CR1L: variants seen among roughly 807,000 people sequenced by gnomAD.
CR1L encodes the protein complement component receptor 1-like protein.
In CR1L, 59 loss-of-function variants were observed where a neutral mutation model predicts 62.3. That is an observed-to-expected ratio of 0.95 (90% CI 0.77 to 1.18). The LOEUF is 1.18. Among genes scored for constraint, CR1L ranks in the 50% most tolerant of loss-of-function variants. The pLI is 0.00. For synonymous variants in CR1L, 279 were observed against 248.7 expected, an observed-to-expected ratio of 1.12 and a Z score of -1.15; for missense variants, 700 against 702.8, an observed-to-expected ratio of 1.00 and a Z score of 0.04.
rs1334024470 is a variant in CR1L, at chr1:207,717,685, G to C, written c.1636G>C (p.Gly546Arg). ...TGCCCCTCGCTGTGAACTTCCTGTT[G>C]GTGCTGGTCAGTATCCGCTTCCACA... ...SPAPRCELPV[G>R]AGSHDALIVG... is the part of the protein sequence containing the mutation. Residue 546 changes from glycine to arginine, a missense_variant, in exon 11 of 12, where the codon GGT becomes CGT. Coordinates refer to ENST00000508064, the MANE Select transcript of CR1L (RefSeq NM_175710.2). The C allele has an allele frequency of 5.0e-6, 8 of 1,613,814 alleles. No homozygotes were observed. Among genetic ancestry groups the C allele is most frequent in the Admixed American group, 3.3e-5 (2 of 59,994 alleles).
intron 11 of CR1L, among the ~76,000 whole-genome samples, chr1:207,719,956 T>C (rs1654093614): frequency 6.6e-6 from 1 of 152,204 alleles, no homozygotes; most frequent in Non-Finnish European, 1.5e-5. Flanking sequence ...CGGACCTAAA[T>C]ATATAATTCA....
At chr1:207,695,107 T>C (rs1312056268) in intron 5 of CR1L, among the ~76,000 whole-genome samples, 1 of 152,178 alleles carries the variant, frequency 6.6e-6, no homozygotes, top group Non-Finnish European at 1.5e-5. Context: ...ATTAGGTAGT[T>C]ACCAGTTTTT....
chr1:207,672,710 G>A (rs1663631503), intron 1 of CR1L, among the ~76,000 whole-genome samples: 1 of 152,032 alleles, frequency 6.6e-6, no homozygotes, highest in Admixed American at 6.6e-5. Context: ...TTTAACATAG[G>A]GTAGACTCTG....
Position 207,720,505 on chromosome 1 carries a change from A to T in CR1L, c.1642+2814A>T, listed in dbSNP as rs141174628. On this transcript the variant is annotated intron_variant, in intron 11 of 11. Transcript: ENST00000508064. The stretch of plus-strand genomic sequence containing the variant: ...ACAGAATAGCAATCCAAAGAGAAAA[A>T]GGAACCTTTGAGTACTAGCATCAGA... Among the ~76,000 whole-genome samples, 28 of 152,276 alleles carry T rather than the reference A, an allele frequency of 1.8e-4. 1 individual carries two copies. The highest frequency in any genetic ancestry group is 8.3e-4 in the South Asian group (4 of 4,824).
At position 207,645,143 on chromosome 1, in the gene CR1L, C is replaced by G. The variant is rs1164908109; in HGVS notation, c.-91C>G. 7.8e-7 allele frequency: 1 copy of G among 1,278,232 alleles called. No homozygotes were observed. The highest frequency in any genetic ancestry group is 1.1e-6 in the Non-Finnish European group (1 of 893,910). The allele number at this position is 1,278,232 out of a possible 1,614,324, so 79.2% of individuals were successfully genotyped here. A position where few individuals can be genotyped will look rare whatever the true frequency, so the allele number is the denominator to read the frequency against. ...GTGAGTTTGGGGATTGTTGTGTCCA[C>G]TAACCGGACTCAGAAGGGACTTCCC... On this transcript the variant is annotated 5_prime_UTR_variant, in exon 1 of 12. Transcript: ENST00000508064.
intron 3 of CR1L, among the ~76,000 whole-genome samples, chr1:207,682,555 T>C (rs1663817349): frequency 6.6e-6 from 1 of 152,230 alleles, no homozygotes; most frequent in Non-Finnish European, 1.5e-5. Flanking sequence ...GTCAAGTGTC[T>C]GCAGAAGGAC....
intron 1 of CR1L, among the ~76,000 whole-genome samples, chr1:207,647,735 G>T (rs1325901121): frequency 6.6e-6 from 1 of 152,138 alleles, no homozygotes. Flanking sequence ...TACCTAAAAA[G>T]CTAGGGCAGC....
intron 1 of CR1L, among the ~76,000 whole-genome samples, chr1:207,653,776 G>A (rs1057087094): frequency 1.3e-5 from 2 of 152,174 alleles, no homozygotes; most frequent in Non-Finnish European, 2.9e-5. Context: ...GAGAGTAAAT[G>A]TAATTTTCAT....
intron 3 of CR1L, 100 bp downstream of exon 3, chr1:207,678,397 A>C (rs1209050890): frequency 9.5e-7 from 1 of 1,050,158 alleles, no homozygotes; most frequent in African/African-American, 1.6e-5. Flanking sequence ...CTAAACTATT[A>C]CCATCTGCTC....
rs146202977 is a variant in CR1L at position 207,664,181 on chromosome 1, C to A, written c.98-13208C>A. 2.4e-4 allele frequency among the ~76,000 whole-genome samples: 36 copies of A among 152,326 alleles called. No individual in the cohort carries two copies. The East Asian group carries it at 6.6e-3, about 28-fold the overall frequency. Reference sequence around the variant, plus strand: ...ATTGTCCTGATTTCAGCACTGCTATCTCTGGTTTCACTTTCCTTGCAGCAG... The same window carrying A: ...ATTGTCCTGATTTCAGCACTGCTATATCTGGTTTCACTTTCCTTGCAGCAG... On this transcript the variant is annotated intron_variant, in intron 1 of 11. Coordinates refer to ENST00000508064, the MANE Select transcript of CR1L (RefSeq NM_175710.2).
At chr1:207,666,552 G>A (rs1663526425) in intron 1 of CR1L, among the ~76,000 whole-genome samples, 1 of 152,114 alleles carries the variant, frequency 6.6e-6, no homozygotes, top group Non-Finnish European at 1.5e-5. Flanking sequence ...TCCTCTTCAG[G>A]GACATGGATG....
intron 9 of CR1L, among the ~76,000 whole-genome samples, chr1:207,706,013 G>GCA (rs1553245264): frequency 1.5e-5 from 2 of 133,574 alleles, no homozygotes; most frequent in African/African-American, 5.3e-5. Flanking sequence ...GTGTGTGTAT[G>GCA]TATATATATA....
intron 8 of CR1L, among the ~76,000 whole-genome samples, chr1:207,700,755 G>A (rs961576941): frequency 2.0e-5 from 3 of 152,284 alleles, no homozygotes; most frequent in East Asian, 1.9e-4. Flanking sequence ...TCCCAAGAAC[G>A]TAGGCCCCTT....
chr1:207,654,731 C>T (rs1487551167), intron 1 of CR1L, among the ~76,000 whole-genome samples: 3 of 152,172 alleles, frequency 2.0e-5, no homozygotes, highest in African/African-American at 7.2e-5. Context: ...CTGTTATCCC[C>T]TTTTAATCAA....
chr1:207,701,915 A>G (rs567365887), intron 9 of CR1L, among the ~76,000 whole-genome samples: 4 of 152,308 alleles, frequency 2.6e-5, no homozygotes, highest in African/African-American at 9.6e-5. Context: ...CAGAGTAGAC[A>G]TTGCTGGAAG....
intron 2 of CR1L, 145 bp from the exon 3 acceptor site, chr1:207,678,053 T>A: frequency 1.4e-6 from 1 of 698,766 alleles, no homozygotes; most frequent in Admixed American, 2.8e-5. Flanking sequence ...GGCAGTCTGG[T>A]GAGTTTCCTC....
rs982031883 is a variant in CR1L, at chr1:207,689,751, T to G, written c.464-4602T>G. Among the ~76,000 whole-genome samples, 8 of 152,216 alleles carry G rather than the reference T, an allele frequency of 5.3e-5. No homozygotes were observed. The East Asian group carries it at 5.8e-4, about 11-fold the overall frequency. ...GCAATCTGGACCTGAGGGTTTGTTG[T>G]TGTTGTTGTTAGGTTTTAAATTAGT... is the stretch of plus-strand genomic sequence containing the variant. On this transcript the variant is annotated intron_variant, in intron 4 of 11. Transcript: ENST00000508064.
intron 1 of CR1L, among the ~76,000 whole-genome samples, chr1:207,654,796 G>C (rs1400271693): frequency 6.6e-6 from 1 of 152,168 alleles, no homozygotes; most frequent in Non-Finnish European, 1.5e-5. Context: ...CAAGAAACTA[G>C]TAAGTTGGGA....
At chr1:207,645,885 T>A (rs1035175160) in intron 1 of CR1L, among the ~76,000 whole-genome samples, 1 of 152,136 alleles carries the variant, frequency 6.6e-6, no homozygotes, top group Admixed American at 6.5e-5. Context: ...GCTGGGAGCG[T>A]GCTGTGCGCA....
Sources: allele counts gnomAD v4.1 joint callset (sites outside exome capture counted in the v4.1 genomes callset), GRCh38; gene constraint gnomAD v4.1.1; transcripts MANE v1.5; gene names NCBI Gene and HGNC (gene_info 2026-07-23, HGNC 2026-07-21).